The following NLGN1 variants were observed in gnomAD, a reference collection of about 807,000 sequenced individuals.
NLGN1 encodes the protein neuroligin-1.
A neutral mutation model predicts 65.5 loss-of-function variants in NLGN1; 12 were observed. That is an observed-to-expected ratio of 0.18 (90% CI 0.12 to 0.30). The LOEUF is 0.30. Among genes scored for constraint, NLGN1 ranks in the 10% least tolerant of loss-of-function variants. NLGN1 has a pLI of 1.00. For missense variants in NLGN1, 750 were observed against 1,007.1 expected (o/e 0.74, Z 3.46); for synonymous variants, 350 against 359.5 (o/e 0.97, Z 0.30).
chr3:174,218,906 G>A (rs1029329734), intron 4 of NLGN1, among the ~76,000 whole-genome samples: 2 of 151,986 alleles, frequency 1.3e-5, no homozygotes, highest in African/African-American at 4.8e-5. Flanking sequence ...CCTCCGGGCT[G>A]TTATTGCCAT....
Position 173,690,390 on chromosome 3 carries a change from T to A in NLGN1, c.493+85299T>A, listed in dbSNP as rs140708511. On this transcript the variant is annotated intron_variant, in intron 3 of 6. Coordinates refer to ENST00000457714, the Ensembl canonical transcript of NLGN1. Reference sequence around the variant, plus strand: ...TATTCCTGCCTAGACACCTCCTTATTTATGATTCCAACTATAATGACCACA... The same window carrying A: ...TATTCCTGCCTAGACACCTCCTTATATATGATTCCAACTATAATGACCACA... 3.8e-3 allele frequency among the ~76,000 whole-genome samples: 572 copies of A among 152,242 alleles called. 6 individuals are homozygous for A. Among genetic ancestry groups the A allele is most frequent in the African/African-American group, 0.013 (532 of 41,568 alleles).
In NLGN1 at chr3:173,756,089, G is replaced by C. The variant is rs150316773; in HGVS notation, c.494-51591G>C. Among the ~76,000 whole-genome samples the C allele has an allele frequency of 2.6e-4, 39 of 151,896 alleles. 1 individual carries two copies. The highest frequency in any genetic ancestry group is 8.2e-4 in the African/African-American group (34 of 41,494). ...ACAGAGAAGTCTTAAATTTCATTCAGTAATTCCGTTGTTAATGATATCTAC... is the reference window on the plus strand; with the variant it reads ...ACAGAGAAGTCTTAAATTTCATTCACTAATTCCGTTGTTAATGATATCTAC... On this transcript the variant is annotated intron_variant, in intron 3 of 6. Transcript: ENST00000457714.
chr3:173,506,643 A>G (rs1259623051), intron 2 of NLGN1, among the ~76,000 whole-genome samples: 2 of 152,146 alleles, frequency 1.3e-5, no homozygotes, highest in Admixed American at 1.3e-4. Context: ...TAAGAGACAT[A>G]TAAATACCCA....
intron 3 of NLGN1, among the ~76,000 whole-genome samples, chr3:173,638,748 G>C (rs942334879): frequency 6.6e-6 from 1 of 152,014 alleles, no homozygotes. Flanking sequence ...TTAAAAATAT[G>C]GTTCATAGTC....
chr3:173,881,419 CTTT>C (rs71162368), intron 4 of NLGN1, among the ~76,000 whole-genome samples: 265 of 80,544 alleles, frequency 3.3e-3, no homozygotes, highest in African/African-American at 0.013. Flanking sequence ...TGCTCCACTC[CTTT>C]TTTTTTTTTT....
At chr3:173,996,466 T>C (rs1722299271) in intron 4 of NLGN1, among the ~76,000 whole-genome samples, 1 of 152,202 alleles carries the variant, frequency 6.6e-6, no homozygotes. Context: ...CTGAGAATGC[T>C]AGTCCTGGAC....
rs73047953 is a variant in NLGN1, at chr3:173,422,526, T to A, written c.-389-12484T>A. On this transcript the variant is annotated intron_variant, in intron 1 of 6. Coordinates refer to ENST00000457714, the Ensembl canonical transcript of NLGN1. Reference sequence around the variant, plus strand: ...CCAGGTCATATGGTATTTTTATTTTTGTTTTTTTGAGGAACTATTATACTG... The same window carrying A: ...CCAGGTCATATGGTATTTTTATTTTAGTTTTTTTGAGGAACTATTATACTG... 8.4e-3 allele frequency among the ~76,000 whole-genome samples: 1,282 copies of A among 152,350 alleles called. 22 individuals are homozygous for A. Among genetic ancestry groups the A allele is most frequent in the African/African-American group, 0.028 (1,184 of 41,576 alleles).
intron 4 of NLGN1, among the ~76,000 whole-genome samples, chr3:173,925,535 C>G (rs936133598): frequency 6.6e-6 from 1 of 152,148 alleles, no homozygotes; most frequent in African/African-American, 2.4e-5. Context: ...TTACCTGCCT[C>G]CCTCACAGAA....
chr3:174,244,502 TG>T (rs1312765251), intron 4 of NLGN1, among the ~76,000 whole-genome samples: 2 of 152,172 alleles, frequency 1.3e-5, no homozygotes, highest in Admixed American at 1.3e-4. Flanking sequence ...TTCAAATAAA[TG>T]TCTTTTAATT....
At chr3:174,012,447 C>T (rs1725750463) in intron 4 of NLGN1, among the ~76,000 whole-genome samples, 1 of 152,114 alleles carries the variant, frequency 6.6e-6, no homozygotes, top group African/African-American at 2.4e-5. Flanking sequence ...GGCACAAGCC[C>T]TTACCTTCAG....
chr3:173,596,352 G>A (rs2149416955), intron 2 of NLGN1, among the ~76,000 whole-genome samples: 1 of 152,304 alleles, frequency 6.6e-6, no homozygotes, highest in East Asian at 1.9e-4. Flanking sequence ...GAGGTTCTGG[G>A]CAAAATTAAG....
chr3:173,888,404 G>T (rs1226959904), intron 4 of NLGN1, among the ~76,000 whole-genome samples: 2 of 152,096 alleles, frequency 1.3e-5, no homozygotes, highest in East Asian at 3.9e-4. Flanking sequence ...TATATCAAGA[G>T]TTGTTATACT....
intron 4 of NLGN1, among the ~76,000 whole-genome samples, chr3:174,180,247 A>G (rs1420279981): frequency 1.3e-5 from 2 of 152,110 alleles, no homozygotes; most frequent in African/African-American, 4.8e-5. Context: ...ATCACCTTCA[A>G]TGGTTCCCTC....
chr3:174,196,963 G>T (rs1733540038), intron 4 of NLGN1, among the ~76,000 whole-genome samples: 1 of 152,088 alleles, frequency 6.6e-6, no homozygotes, highest in African/African-American at 2.4e-5. Flanking sequence ...AACCCCAGAT[G>T]GTCAAACTCC....
intron 4 of NLGN1, among the ~76,000 whole-genome samples, chr3:173,860,360 A>G (rs1193844719): frequency 6.6e-6 from 1 of 152,076 alleles, no homozygotes; most frequent in Non-Finnish European, 1.5e-5. Flanking sequence ...ATTTCTGAAC[A>G]TTGTTGGCAA....
At chr3:173,599,391 C>G (rs1038361915) in intron 2 of NLGN1, among the ~76,000 whole-genome samples, 3 of 152,104 alleles carry the variant, frequency 2.0e-5, no homozygotes, top group African/African-American at 7.2e-5. Context: ...ACTCCTGGGT[C>G]ATGAAGAATA....
chr3:173,406,610 G>A (rs972383639), intron 1 of NLGN1, among the ~76,000 whole-genome samples: 1 of 149,370 alleles, frequency 6.7e-6, no homozygotes, highest in African/African-American at 2.5e-5. Context: ...ATAAATCAAA[G>A]GAAGAGAAGC....
At chr3:174,000,450 G>A (rs185473928) in intron 4 of NLGN1, among the ~76,000 whole-genome samples, 1 of 152,190 alleles carries the variant, frequency 6.6e-6, no homozygotes, top group African/African-American at 2.4e-5. Flanking sequence ...CTCCAGGTAT[G>A]GAGGCAAGGT....
At chr3:174,200,258 C>A (rs925279896) in intron 4 of NLGN1, among the ~76,000 whole-genome samples, 5 of 152,176 alleles carry the variant, frequency 3.3e-5, no homozygotes, top group African/African-American at 1.2e-4. Context: ...AAGTTCCTAG[C>A]ACATAATAGG....
Sources: allele counts gnomAD v4.1 joint callset (sites outside exome capture counted in the v4.1 genomes callset), GRCh38; gene constraint gnomAD v4.1.1; transcripts MANE v1.5; gene names NCBI Gene and HGNC (gene_info 2026-07-23, HGNC 2026-07-21).